Variants in GMDS observed in about 807,000 individuals in gnomAD.
GMDS encodes GDP-mannose 4,6-dehydratase.
GMDS carries 20 observed loss-of-function variants against 49.9 expected under a neutral mutation model. That is an observed-to-expected ratio of 0.40 (90% confidence interval 0.28 to 0.58). The LOEUF (loss-of-function observed/expected upper bound fraction) is 0.58. Among genes scored for constraint, GMDS ranks in the 20% least tolerant of loss-of-function variants. GMDS has a pLI of 0.42. For missense variants in GMDS, 362 were observed against 481.4 expected, an observed-to-expected ratio of 0.75 and a Z score of 2.32; for synonymous variants, 177 against 178.6, an observed-to-expected ratio of 0.99 and a Z score of 0.07.
At chr6:1,964,824 C>T (rs549111121) in intron 4 of GMDS, among the ~76,000 whole-genome samples, 41 of 152,086 alleles carry the variant, frequency 2.7e-4, no homozygotes, top group Non-Finnish European at 5.0e-4. Flanking sequence ...GCTATCCCTC[C>T]CCCTACCCCA....
chr6:1,901,240 C>T (rs1382243443), intron 7 of GMDS, among the ~76,000 whole-genome samples: 1 of 152,186 alleles, frequency 6.6e-6, no homozygotes. Flanking sequence ...GTGCTAATTA[C>T]GATACGTTTC....
chr6:1,734,613 G>T (rs1291673208), intron 8 of GMDS, among the ~76,000 whole-genome samples: 1 of 152,204 alleles, frequency 6.6e-6, no homozygotes, highest in African/African-American at 2.4e-5. Flanking sequence ...CTCTCAAAAG[G>T]GCATGGCCAT....
intron 6 of GMDS, among the ~76,000 whole-genome samples, chr6:1,937,138 G>A (rs1490913199): frequency 2.6e-5 from 4 of 152,110 alleles, no homozygotes; most frequent in Non-Finnish European, 2.9e-5. Context: ...GCCTAGCAGC[G>A]ATAGGTGTGC....
chr6:2,228,728 T>G (rs1331164368), intron 1 of GMDS, among the ~76,000 whole-genome samples: 7 of 152,248 alleles, frequency 4.6e-5, no homozygotes, highest in Non-Finnish European at 7.3e-5. Flanking sequence ...CCCTGAACAA[T>G]GCATTTGCTG....
intron 9 of GMDS, among the ~76,000 whole-genome samples, chr6:1,654,880 G>A (rs1010591760): frequency 4.6e-5 from 7 of 152,130 alleles, no homozygotes; most frequent in Admixed American, 4.6e-4. Context: ...GGCCAACATG[G>A]TGAAACCCCA....
intron 6 of GMDS, chr6:1,951,994 G>A (rs951858632): frequency 1.7e-5 from 17 of 979,100 alleles, no homozygotes; most frequent in East Asian, 2.3e-4. Context: ...TCTAAAATTC[G>A]TATATATGTT....
chr6:1,652,385 ATATATATT>A (rs1763682524), intron 9 of GMDS, among the ~76,000 whole-genome samples: 2 of 6,340 alleles, frequency 3.2e-4, no homozygotes, highest in African/African-American at 7.5e-4. Context: ...AAAAAAATAT[ATATATATT>A]ATATATATAT....
intron 6 of GMDS, among the ~76,000 whole-genome samples, chr6:1,940,370 G>A (rs1370753830): frequency 6.6e-6 from 1 of 152,246 alleles, no homozygotes; most frequent in African/African-American, 2.4e-5. Context: ...TTGGAAAACA[G>A]AAATCATTCC....
At position 1,911,995 on chromosome 6, in the gene GMDS, A is replaced by AC. The variant is rs536049968; in HGVS notation, c.771+18107dup. On this transcript the variant is annotated intron_variant, in intron 7 of 10. Coordinates refer to ENST00000380815, the MANE Select transcript of GMDS (RefSeq NM_001500.4). ...AATAGGTCTGAGGCTACATTTGAAG[A>AC]CTTTTTCAAACTAAGGAGAAGAATA... Among the ~76,000 whole-genome samples the AC allele has an allele frequency of 1.1e-4, 16 of 152,298 alleles. No homozygotes were observed. In the South Asian group the frequency reaches 3.1e-3, roughly 30 times the overall value.
intron 4 of GMDS, among the ~76,000 whole-genome samples, chr6:2,055,629 AAC>A (rs1770733229): frequency 6.6e-6 from 1 of 152,232 alleles, no homozygotes; most frequent in Admixed American, 6.5e-5. Context: ...TAACGGAGAA[AAC>A]ACTAAATTGG....
chr6:1,899,662 G>A (rs1760398167), intron 7 of GMDS, among the ~76,000 whole-genome samples: 1 of 152,198 alleles, frequency 6.6e-6, no homozygotes, highest in Non-Finnish European at 1.5e-5. Context: ...ATCTCCTAAG[G>A]CTTCAGTGGA....
chr6:1,987,254 G>C (rs1765606541), intron 4 of GMDS, among the ~76,000 whole-genome samples: 2 of 152,080 alleles, frequency 1.3e-5, no homozygotes, highest in Non-Finnish European at 2.9e-5. Flanking sequence ...CTAAATGTGG[G>C]AAAGGAATTT....
chr6:1,989,931 G>A (rs1222103744), intron 4 of GMDS, among the ~76,000 whole-genome samples: 1 of 152,246 alleles, frequency 6.6e-6, no homozygotes, highest in African/African-American at 2.4e-5. Flanking sequence ...TTCTTCATAT[G>A]TAGAAGATGG....
At chr6:2,220,336 G>A (rs2127589236) in intron 1 of GMDS, among the ~76,000 whole-genome samples, 1 of 152,356 alleles carries the variant, frequency 6.6e-6, no homozygotes, top group African/African-American at 2.4e-5. Flanking sequence ...GCTGTGTGCT[G>A]TTGCTGTGGT....
intron 7 of GMDS, among the ~76,000 whole-genome samples, chr6:1,926,993 A>G (rs9503049): frequency 0.073 from 4,265 of 58,700 alleles, 462 homozygotes; most frequent in Middle Eastern, 0.11. Context: ...TAGCGTGTTG[A>G]TGTATTTTTA....
chr6:2,085,232 A>C (rs1296618122), intron 4 of GMDS, among the ~76,000 whole-genome samples: 1 of 152,074 alleles, frequency 6.6e-6, no homozygotes, highest in African/African-American at 2.4e-5. Context: ...TCGTGACCTT[A>C]TCTTTTTTAT....
At chr6:1,985,373 G>A (rs1765483426) in intron 4 of GMDS, among the ~76,000 whole-genome samples, 1 of 143,528 alleles carries the variant, frequency 7.0e-6, no homozygotes, top group Non-Finnish European at 1.5e-5. Flanking sequence ...TTCAATACAG[G>A]CTTGCAAACC....
At chr6:1,743,672 G>A (rs1333923901) in intron 7 of GMDS, among the ~76,000 whole-genome samples, 12 of 151,864 alleles carry the variant, frequency 7.9e-5, no homozygotes, top group Non-Finnish European at 1.8e-4. Context: ...CCCGCTCCCC[G>A]TGGTTAGCTT....
At chr6:1,634,838 G>A (rs1035562272) in intron 9 of GMDS, among the ~76,000 whole-genome samples, 14 of 152,200 alleles carry the variant, frequency 9.2e-5, no homozygotes, top group South Asian at 2.1e-4. Flanking sequence ...GGGACATAGC[G>A]ACGGAAAGGC....
Sources: allele counts gnomAD v4.1 joint callset (sites outside exome capture counted in the v4.1 genomes callset), GRCh38; gene constraint gnomAD v4.1.1; transcripts MANE v1.5; gene names NCBI Gene and HGNC (gene_info 2026-07-23, HGNC 2026-07-21).